Variants in TAB2 observed in about 807,000 individuals in gnomAD.
TAB2 encodes TGF-beta activated kinase 1 (MAP3K7) binding protein 2, also known as TGF-beta-activated kinase 1 and MAP3K7-binding protein 2.
Under a neutral mutation model 65.0 loss-of-function variants are expected in TAB2, and 3 were observed. That is an observed-to-expected ratio of 0.05 (90% confidence interval 0.02 to 0.12). TAB2 has a LOEUF of 0.12. Among genes scored for constraint, TAB2 ranks in the 10% least tolerant of loss-of-function variants. The pLI is 1.00. For synonymous variants in TAB2, 298 were observed against 285.1 expected (o/e 1.05, Z -0.46); for missense variants, 623 against 840.3 (o/e 0.74, Z 3.20).
At chr6:149,349,342 C>G (rs1780411493) in intron 1 of TAB2, among the ~76,000 whole-genome samples, 1 of 149,820 alleles carries the variant, frequency 6.7e-6, no homozygotes, top group Non-Finnish European at 1.5e-5. Flanking sequence ...ATTGCTTGAA[C>G]CCAGGAGGCG....
chr6:149,242,475 C>T (rs1411795274), intron 1 of TAB2, among the ~76,000 whole-genome samples: 1 of 152,122 alleles, frequency 6.6e-6, no homozygotes, highest in Non-Finnish European at 1.5e-5. Flanking sequence ...CTAAAGTTGC[C>T]TGTGAGTAGA....
At chr6:149,232,018 A>T (rs1777415115) in intron 1 of TAB2, among the ~76,000 whole-genome samples, 1 of 152,192 alleles carries the variant, frequency 6.6e-6, no homozygotes, top group South Asian at 2.1e-4. Flanking sequence ...CAGGAAGCTC[A>T]CTGACCTGAT....
intron 1 of TAB2, among the ~76,000 whole-genome samples, chr6:149,361,951 A>G (rs1427160538): frequency 6.6e-6 from 1 of 152,120 alleles, no homozygotes; most frequent in African/African-American, 2.4e-5. Context: ...TGGTTCCTAT[A>G]AGTTCTTGAT....
chr6:149,338,963 A>G (rs1424478256), intron 1 of TAB2, among the ~76,000 whole-genome samples: 1 of 152,262 alleles, frequency 6.6e-6, no homozygotes, highest in Non-Finnish European at 1.5e-5. Flanking sequence ...GCCATGTGCC[A>G]GGCACTGTTC....
In TAB2 at chr6:149,379,468, G is replaced by T. The variant is rs1781535839; in HGVS notation, c.1553G>T (p.Ser518Ile). The change falls in exon 3 of 7, where the codon AGT becomes ATT. Residue 518 changes from serine (S) to isoleucine (I), a missense_variant. Ser to Ile is a moderately radical substitution (Grantham distance 142). Coordinates refer to ENST00000637181, the MANE Select transcript of TAB2 (RefSeq NM_001292034.3). ...DPTLAHVDRI[S>I]ETRKLSMGSD... ...ACATTAGCACATGTGGATAGAATAA[G>T]TGAAACACGGAAACTGAGTATGGGA... is the stretch of plus-strand genomic sequence containing the variant. The T allele has an allele frequency of 6.2e-7, 1 of 1,614,122 alleles. No homozygotes were observed. Among genetic ancestry groups the T allele is most frequent in the Non-Finnish European group, 8.5e-7 (1 of 1,180,020 alleles).
intron 1 of TAB2, among the ~76,000 whole-genome samples, chr6:149,338,595 C>G (rs1780003776): frequency 6.6e-6 from 1 of 152,150 alleles, no homozygotes; most frequent in Admixed American, 6.5e-5. Flanking sequence ...GATGAAACAA[C>G]ATATTTTTGC....
intron 1 of TAB2, among the ~76,000 whole-genome samples, chr6:149,310,436 G>T (rs185642897): frequency 4.6e-4 from 70 of 152,126 alleles, no homozygotes; most frequent in Non-Finnish European, 1.5e-5. Context: ...TTTATCTCCA[G>T]CTTTCTTTGT....
At chr6:149,232,313 C>T (rs1777420531) in intron 1 of TAB2, among the ~76,000 whole-genome samples, 1 of 152,036 alleles carries the variant, frequency 6.6e-6, no homozygotes, top group African/African-American at 2.4e-5. Flanking sequence ...CTGCAACCTC[C>T]GCCTCCCCAG....
intron 1 of TAB2, among the ~76,000 whole-genome samples, chr6:149,321,719 G>A (rs1253104376): frequency 6.6e-6 from 1 of 152,154 alleles, no homozygotes; most frequent in Non-Finnish European, 1.5e-5. Context: ...AAAGGAGTGA[G>A]CAGAGTGAGA....
At position 149,379,423 on chromosome 6, in the gene TAB2, T is replaced by C; in HGVS notation, c.1508T>C (p.Ile503Thr). ...HPDHYVETEN[I>T]QHLTDPTLAH... is the part of the protein sequence containing the mutation. ...GATCATTATGTAGAAACCGAGAATA[T>C]TCAGCACCTCACGGACCCTACATTA... Residue 503 changes from isoleucine to threonine, a missense_variant, in exon 3 of 7, where the codon ATT becomes ACT. Ile to Thr is a moderately conservative substitution (Grantham distance 89). Around this residue, in one of 3 missense-constraint regions of TAB2, gnomAD observed 550 missense variants for 665.7 expected, o/e 0.83. Transcript: ENST00000637181. 6.2e-7 allele frequency: 1 copy of C among 1,614,096 alleles called. No homozygotes were observed. Among genetic ancestry groups the C allele is most frequent in the Non-Finnish European group, 8.5e-7 (1 of 1,179,986 alleles).
intron 6 of TAB2, chr6:149,400,356 T>G (rs1291644129): frequency 1.2e-6 from 2 of 1,604,218 alleles, no homozygotes; most frequent in Non-Finnish European, 1.7e-6. Flanking sequence ...CCACCTCTTT[T>G]GTGAAGCAGC....
chr6:149,268,851 C>A (rs980496503), intron 1 of TAB2, among the ~76,000 whole-genome samples: 72 of 152,266 alleles, frequency 4.7e-4, no homozygotes, highest in African/African-American at 1.7e-3. Flanking sequence ...AACATACACA[C>A]AGTACAGTAG....
chr6:149,318,525 T>C (rs1389688465), intron 1 of TAB2: 1 of 152,228 alleles, frequency 6.6e-6, no homozygotes, highest in African/African-American at 2.4e-5. Flanking sequence ...AGGGAGAACA[T>C]CGTTCCTTTG....
chr6:149,290,413 A>G (rs1778755088), intron 1 of TAB2, among the ~76,000 whole-genome samples: 1 of 152,192 alleles, frequency 6.6e-6, no homozygotes, highest in Admixed American at 6.5e-5. Context: ...CTCAATAACA[A>G]TTATCACCAT....
At chr6:149,223,750 T>C (rs1777206991) in intron 1 of TAB2, among the ~76,000 whole-genome samples, 1 of 152,228 alleles carries the variant, frequency 6.6e-6, no homozygotes, top group Non-Finnish European at 1.5e-5. Context: ...TTTCAATGAC[T>C]GCTTGCATTT....
At chr6:149,377,983 T>G in intron 2 of TAB2, 35 bp from the exon 3 acceptor site, 1 of 1,558,666 alleles carries the variant, frequency 6.4e-7, no homozygotes, top group Non-Finnish European at 8.8e-7. Flanking sequence ...TCGCTTCTGA[T>G]TGTTAACATC....
Position 149,379,281 on chromosome 6 carries a change from A to T in TAB2, c.1366A>T (p.Thr456Ser). Residue 456 changes from threonine to serine, a missense_variant, in exon 3 of 7, where the codon ACT becomes TCT. Transcript: ENST00000637181. The part of the protein sequence containing the change: ...NSATSPRVVV[T>S]QPNTKYTFKI... Reference sequence around the variant, plus strand: ...TGCAACCTCTCCTCGAGTGGTAGTCACTCAGCCCAATACGAAATACACTTT... The same window carrying T: ...TGCAACCTCTCCTCGAGTGGTAGTCTCTCAGCCCAATACGAAATACACTTT... 2 of 1,614,182 alleles carry T rather than the reference A, an allele frequency of 1.2e-6. No individual in the cohort carries two copies. Among genetic ancestry groups the T allele is most frequent in the Non-Finnish European group, 1.7e-6 (2 of 1,180,032 alleles).
intron 1 of TAB2, among the ~76,000 whole-genome samples, chr6:149,293,873 T>C (rs1023475865): frequency 6.6e-6 from 1 of 152,140 alleles, no homozygotes; most frequent in Non-Finnish European, 1.5e-5. Context: ...AAACCTCAAT[T>C]GATCCAATAT....
At chr6:149,289,859 C>T (rs988136918) in intron 1 of TAB2, among the ~76,000 whole-genome samples, 2 of 151,982 alleles carry the variant, frequency 1.3e-5, no homozygotes, top group Admixed American at 6.6e-5. Flanking sequence ...TGGTTCTGTC[C>T]GGAAAGAAGG....
Sources: allele counts gnomAD v4.1 joint callset (sites outside exome capture counted in the v4.1 genomes callset), GRCh38; gene constraint gnomAD v4.1.1; regional missense constraint gnomAD v4.1.1; transcripts MANE v1.5; gene names NCBI Gene and HGNC (gene_info 2026-07-23, HGNC 2026-07-21).